Variants in TMEM63B observed in about 807,000 individuals in gnomAD.
TMEM63B encodes mechanosensitive cation channel TMEM63B.
Under a neutral mutation model 102.6 loss-of-function variants are expected in TMEM63B, and 23 were observed. The observed-to-expected ratio is 0.22, with a 90% CI of 0.16 to 0.32. The LOEUF (loss-of-function observed/expected upper bound fraction) is 0.32, where lower values mean the gene tolerates loss of function less well. Ranked by LOEUF, TMEM63B falls within the 10% of genes least tolerant of loss-of-function variation. The pLI is 1.00. For synonymous variants in TMEM63B, 444 were observed against 437.0 expected (o/e 1.02, Z -0.20); for missense variants, 628 against 1,095.9 (o/e 0.57, Z 6.03).
chr6:44,128,553 GGCTGCCCTTGGGGCGCTGT>G (rs1257905092), intron 1 of TMEM63B, among the ~76,000 whole-genome samples: 1 of 152,274 alleles, frequency 6.6e-6, no homozygotes, highest in African/African-American at 2.4e-5. Flanking sequence ...CAGAGGGGCT[GGCTGCCCTTGGGGCGCTGT>G]GCTGCCCCCT....
chr6:44,149,723 C>T (rs1369660877), intron 15 of TMEM63B, 136 bp from the exon 16 acceptor site: 16 of 669,934 alleles, frequency 2.4e-5, no homozygotes, highest in Middle Eastern at 3.9e-4. Flanking sequence ...CCCAGCCCTC[C>T]GGATGTTCTG....
At chr6:44,140,582 A>G in intron 9 of TMEM63B, 1 of 651,912 alleles carries the variant, frequency 1.5e-6, no homozygotes, top group Non-Finnish European at 2.8e-6. Context: ...TGTGGGGAAT[A>G]CACAGAAACA....
At chr6:44,151,563 G>A (rs1766623662) in intron 18 of TMEM63B, among the ~76,000 whole-genome samples, 1 of 152,136 alleles carries the variant, frequency 6.6e-6, no homozygotes, top group Non-Finnish European at 1.5e-5. Context: ...GGTTGTCTTT[G>A]GGGGTCCTGG....
chr6:44,131,148 G>A (rs1267594048), intron 1 of TMEM63B, among the ~76,000 whole-genome samples: 2 of 151,374 alleles, frequency 1.3e-5, no homozygotes, highest in Admixed American at 6.6e-5. Context: ...TCGAACTCCT[G>A]ACCCTGTGAT....
At chr6:44,134,500 C>T in intron 1 of TMEM63B, 61 bp from the exon 2 acceptor site, 1 of 1,531,102 alleles carries the variant, frequency 6.5e-7, no homozygotes, top group Non-Finnish European at 8.8e-7. Context: ...CCCACGCCCA[C>T]CCTACTGGGC....
chr6:44,146,139 T>C (rs1259081760), intron 10 of TMEM63B, among the ~76,000 whole-genome samples: 2 of 152,218 alleles, frequency 1.3e-5, no homozygotes, highest in Non-Finnish European at 2.9e-5. Flanking sequence ...AGGCTAAGTG[T>C]TGGGCTGTGA....
In TMEM63B at chr6:44,154,955, A is replaced by G. The variant is rs562762902; in HGVS notation, c.*72A>G. 39 of 1,357,386 alleles carry G rather than the reference A, an allele frequency of 2.9e-5. No homozygotes were observed. In the East Asian group the frequency reaches 9.2e-4, roughly 32 times the overall value. 84.1% of individuals were successfully genotyped at this position (1,357,386 alleles called of 1,614,324 possible). On this transcript the variant is annotated 3_prime_UTR_variant, in exon 24 of 24. Coordinates refer to ENST00000323267, the MANE Select transcript of TMEM63B (RefSeq NM_018426.3). ...CACTCCCACGGACACTAAAACGCTA[A>G]TAATTTATTAGATCTAAAGCCCCTT...
chr6:44,137,249 A>G (rs1156605588), intron 5 of TMEM63B, among the ~76,000 whole-genome samples: 1 of 152,154 alleles, frequency 6.6e-6, no homozygotes, highest in South Asian at 2.1e-4. Context: ...CCCCTTTCAT[A>G]TCAGACCTAA....
intron 10 of TMEM63B, among the ~76,000 whole-genome samples, chr6:44,145,204 G>A (rs186602936): frequency 5.3e-5 from 8 of 151,516 alleles, no homozygotes; most frequent in African/African-American, 1.9e-4. Flanking sequence ...GAACCCAAGA[G>A]GTGGAGGTTA....
In TMEM63B at chr6:44,136,367, C is replaced by T. The variant is rs774651634; in HGVS notation, c.297C>T (p.His99=). ...CCCCCAGTGTGGCTTCAGCTATGCACGGGGACAGCCATGACCGGTATGAGC... is the reference window on the plus strand; with the variant it reads ...CCCCCAGTGTGGCTTCAGCTATGCATGGGGACAGCCATGACCGGTATGAGC... The part of the protein sequence containing the change: ...VEQEYVASAM[H]GDSHDRYERL... The change falls in exon 5 of 24, where the codon CAC becomes CAT. Residue 99 remains histidine, a synonymous_variant. Transcript: ENST00000323267. 71 of 1,613,974 alleles carry T rather than the reference C, an allele frequency of 4.4e-5. No homozygotes were observed. Among genetic ancestry groups the T allele is most frequent in the Non-Finnish European group, 5.8e-5 (68 of 1,180,006 alleles).
intron 10 of TMEM63B, among the ~76,000 whole-genome samples, chr6:44,145,566 C>G (rs181931499): frequency 6.6e-6 from 1 of 151,874 alleles, no homozygotes. Flanking sequence ...CATTCTAGCC[C>G]GGGTGACAGA....
In TMEM63B at chr6:44,149,942, C is replaced by A; in HGVS notation, c.1497C>A (p.Ala499=). The change falls in exon 16 of 24, where the codon GCC becomes GCA. Residue 499 remains alanine (A), a synonymous_variant. Transcript: ENST00000323267. ...TTCCCACCATCGTCTACTACTCAGCCTTCTTTGAAGCCCACTGGACACGGT... is the reference window on the plus strand; with the variant it reads ...TTCCCACCATCGTCTACTACTCAGCATTCTTTGAAGCCCACTGGACACGGT... ...ALLPTIVYYS[A]FFEAHWTRSG... is the part of the protein sequence containing the mutation. The A allele has an allele frequency of 6.2e-7, 1 of 1,613,662 alleles. No individual in the cohort carries two copies. The highest frequency in any genetic ancestry group is 8.5e-7 in the Non-Finnish European group (1 of 1,179,842).
chr6:44,127,170 C>CCCCT (rs1400965416), upstream of TMEM63B: 4 of 100,452 alleles, frequency 4.0e-5, no homozygotes, highest in East Asian at 1.5e-3. Flanking sequence ...CCGTCGGGAC[C>CCCCT]CCCCTCCCCG....
Position 44,150,188 on chromosome 6 carries a change from C to T in TMEM63B, c.1521-36C>T. The T allele has an allele frequency of 1.3e-6, 2 of 1,595,140 alleles. No individual in the cohort carries two copies. The highest frequency in any genetic ancestry group is 1.7e-6 in the Non-Finnish European group (2 of 1,164,688). On this transcript the variant is annotated intron_variant, in intron 16 of 23. Coordinates refer to ENST00000323267, the MANE Select transcript of TMEM63B (RefSeq NM_018426.3). This position sits in a 1 kb window ranked among gnomAD's most constrained non-coding sequence, Gnocchi z 4.7. Reference sequence around the variant, plus strand: ...GGAGCAAGTCTGGGGCCTGGGCTCACTTGACCTGTACCGTTCCCTGCTCCC... The same window carrying T: ...GGAGCAAGTCTGGGGCCTGGGCTCATTTGACCTGTACCGTTCCCTGCTCCC...
intron 3 of TMEM63B, 72 bp downstream of exon 3, chr6:44,135,168 G>C: frequency 2.5e-6 from 4 of 1,594,870 alleles, no homozygotes; most frequent in South Asian, 2.2e-5. Flanking sequence ...GAATAGGAAG[G>C]AGCCAGCCCT....
chr6:44,130,314 G>C (rs1417731388), intron 1 of TMEM63B, among the ~76,000 whole-genome samples: 1 of 152,222 alleles, frequency 6.6e-6, no homozygotes, highest in Non-Finnish European at 1.5e-5. Flanking sequence ...TCCTGGGGTT[G>C]TGATGGGGAG....
chr6:44,149,736 CT>C, intron 15 of TMEM63B, 122 bp from the exon 16 acceptor site: 1 of 731,332 alleles, frequency 1.4e-6, no homozygotes, highest in Non-Finnish European at 2.3e-6. Context: ...ATGTTCTGGG[CT>C]TCCAACATGG....
chr6:44,136,471 C>A (rs1762974300), intron 5 of TMEM63B, 32 bp downstream of exon 5: 1 of 1,439,876 alleles, frequency 6.9e-7, no homozygotes. Flanking sequence ...TTCTTAGTCC[C>A]CCACCCCACC....
intron 5 of TMEM63B, among the ~76,000 whole-genome samples, chr6:44,136,932 C>T (rs1390420836): frequency 6.6e-6 from 1 of 152,198 alleles, no homozygotes; most frequent in Admixed American, 6.5e-5. Context: ...GTAGTCCCAG[C>T]TACTTGGGAG....
Sources: allele counts gnomAD v4.1 joint callset (sites outside exome capture counted in the v4.1 genomes callset), GRCh38; gene constraint gnomAD v4.1.1; non-coding constraint Gnocchi (gnomAD v3.1); transcripts MANE v1.5; gene names NCBI Gene and HGNC (gene_info 2026-07-23, HGNC 2026-07-21).